The following DCC variants were observed in gnomAD, a reference collection of about 807,000 sequenced individuals.
DCC encodes the protein netrin receptor DCC.
A neutral mutation model predicts 172.5 loss-of-function variants in DCC; 58 were observed. That is an observed-to-expected ratio of 0.34 (90% CI 0.27 to 0.42). DCC has a LOEUF of 0.42. Ranked by LOEUF, DCC falls within the 10% of genes least tolerant of loss-of-function variation. The probability of loss-of-function intolerance (pLI) is 1.00; values close to 1 mark genes in which losing one functional copy is unlikely to be tolerated. For synonymous variants in DCC, 709 were observed against 644.5 expected (o/e 1.10, Z -1.52); for missense variants, 1,740 against 1,791.0 (o/e 0.97, Z 0.51).
intron 22 of DCC, among the ~76,000 whole-genome samples, chr18:53,450,136 TATATATACACACACAC>T (rs2145148537): frequency 9.3e-6 from 1 of 107,960 alleles, no homozygotes; most frequent in South Asian, 2.8e-4. Context: ...TATATATATA[TATATATACACACACAC>T]ATACACACAT....
intron 2 of DCC, among the ~76,000 whole-genome samples, chr18:52,818,454 G>T (rs2038344491): frequency 1.3e-5 from 2 of 149,516 alleles, no homozygotes; most frequent in Admixed American, 6.6e-5. Context: ...AAAAGAAGAT[G>T]AAAAGCATAT....
At chr18:52,805,260 T>G (rs1294114180) in intron 2 of DCC, among the ~76,000 whole-genome samples, 2 of 152,196 alleles carry the variant, frequency 1.3e-5, no homozygotes, top group African/African-American at 4.8e-5. Flanking sequence ...ATGGTCAGCT[T>G]ACATAACCAA....
chr18:53,513,843 G>T (rs1252677746), intron 27 of DCC, among the ~76,000 whole-genome samples: 1 of 149,940 alleles, frequency 6.7e-6, no homozygotes, highest in South Asian at 2.2e-4. Context: ...AAGCGACTTA[G>T]ACTCCCACAC....
intron 23 of DCC, 50 bp downstream of exon 23, chr18:53,450,712 T>C (rs2045400572): frequency 6.8e-7 from 1 of 1,479,580 alleles, no homozygotes; most frequent in African/African-American, 1.4e-5. Context: ...TCTTTTGGGG[T>C]TATATTTTTG....
At chr18:52,405,747 C>A (rs374532113) in intron 1 of DCC, among the ~76,000 whole-genome samples, 5 of 150,684 alleles carry the variant, frequency 3.3e-5, no homozygotes, top group African/African-American at 9.7e-5. Flanking sequence ...CCATACTGCC[C>A]AAGGTAATTT....
chr18:53,428,481 A>G (rs866071191), intron 21 of DCC, among the ~76,000 whole-genome samples: 594 of 58,482 alleles, frequency 0.01, 141 homozygotes, highest in Middle Eastern at 0.021. Flanking sequence ...TATATAATAT[A>G]TATTTTTTAT....
intron 1 of DCC, among the ~76,000 whole-genome samples, chr18:52,611,376 C>T (rs2034274249): frequency 1.3e-5 from 2 of 152,078 alleles, no homozygotes; most frequent in Admixed American, 6.6e-5. Context: ...TAGTTTTGTA[C>T]CTAATTTTTT....
chr18:52,457,794 G>A (rs1243328877), intron 1 of DCC, among the ~76,000 whole-genome samples: 1 of 152,132 alleles, frequency 6.6e-6, no homozygotes, highest in Non-Finnish European at 1.5e-5. Context: ...ATGATCATAT[G>A]CACTTATTTA....
intron 1 of DCC, among the ~76,000 whole-genome samples, chr18:52,612,231 G>T (rs1327569897): frequency 6.6e-6 from 1 of 152,064 alleles, no homozygotes; most frequent in Non-Finnish European, 1.5e-5. Context: ...GTCAGGTGAT[G>T]CCACCCTGCA....
chr18:53,414,243 A>G (rs1380943254), intron 20 of DCC, among the ~76,000 whole-genome samples: 1 of 152,182 alleles, frequency 6.6e-6, no homozygotes, highest in Non-Finnish European at 1.5e-5. Context: ...GAGTGTCAAG[A>G]TAAATAAATT....
intron 1 of DCC, among the ~76,000 whole-genome samples, chr18:52,384,687 G>A (rs193083766): frequency 1.8e-4 from 28 of 152,196 alleles, no homozygotes; most frequent in East Asian, 5.8e-4. Context: ...TTTTATGCCC[G>A]CATTTGTATG....
At chr18:53,397,055 G>A (rs542554870) in intron 17 of DCC, among the ~76,000 whole-genome samples, 3 of 150,754 alleles carry the variant, frequency 2.0e-5, no homozygotes, top group East Asian at 3.9e-4. Context: ...ATCTTACCTC[G>A]GAAAATTTTC....
chr18:52,854,449 TTAAAG>T lies in DCC; in HGVS notation c.413-51590_413-51586del, dbSNP rs2039021227. The stretch of plus-strand genomic sequence containing the variant: ...ATTCTAAATGAAGAGTAAACCTACC[TTAAAG>T]TAAACCTACCAGGAGTAAACCTACC... On this transcript the variant is annotated intron_variant, in intron 2 of 28. Transcript: ENST00000442544. Among the ~76,000 whole-genome samples, 3 of 152,320 alleles carry T rather than the reference TTAAAG, an allele frequency of 2.0e-5. No homozygotes were observed. In the South Asian group the frequency reaches 6.2e-4, roughly 32 times the overall value.
At chr18:53,256,676 G>C (rs563673272) in intron 12 of DCC, among the ~76,000 whole-genome samples, 11 of 152,256 alleles carry the variant, frequency 7.2e-5, no homozygotes, top group African/African-American at 2.6e-4. Context: ...TTTGGCTTAG[G>C]ATTGACTTGG....
intron 12 of DCC, among the ~76,000 whole-genome samples, chr18:53,272,115 T>C (rs1282416990): frequency 6.6e-6 from 1 of 152,092 alleles, no homozygotes; most frequent in Non-Finnish European, 1.5e-5. Context: ...CAGAACTGAG[T>C]AATTTGTTTC....
chr18:52,769,207 A>G (rs551567330), intron 2 of DCC, among the ~76,000 whole-genome samples: 21 of 152,336 alleles, frequency 1.4e-4, no homozygotes, highest in African/African-American at 4.6e-4. Context: ...GCAATTAATG[A>G]CAGTTTGTTG....
intron 1 of DCC, among the ~76,000 whole-genome samples, chr18:52,722,496 A>G (rs2036487707): frequency 6.6e-6 from 1 of 152,176 alleles, no homozygotes; most frequent in African/African-American, 2.4e-5. Flanking sequence ...TTATTTATGT[A>G]GTATAATTTC....
rs568494428 is a variant in DCC, at chr18:52,383,634, A to T, written c.91+42756A>T. ...GTCATTTTGAAATTTTGGAGTTTTAATTTTTTTATGATTTCATTCATGAAT... is the reference window on the plus strand; with the variant it reads ...GTCATTTTGAAATTTTGGAGTTTTATTTTTTTTATGATTTCATTCATGAAT... On this transcript the variant is annotated intron_variant, in intron 1 of 28. Transcript: ENST00000442544. Among the ~76,000 whole-genome samples the T allele has an allele frequency of 4.9e-3, 737 of 151,758 alleles. 6 individuals are homozygous for T. Among genetic ancestry groups the T allele is most frequent in the African/African-American group, 0.017 (708 of 41,454 alleles).
intron 1 of DCC, among the ~76,000 whole-genome samples, chr18:52,732,838 G>T (rs1360077554): frequency 1.3e-5 from 2 of 151,976 alleles, no homozygotes; most frequent in African/African-American, 4.8e-5. Flanking sequence ...TGGTTCATTT[G>T]TTCTTCCCTC....
Sources: allele counts gnomAD v4.1 joint callset (sites outside exome capture counted in the v4.1 genomes callset), GRCh38; gene constraint gnomAD v4.1.1; transcripts MANE v1.5; gene names NCBI Gene and HGNC (gene_info 2026-07-23, HGNC 2026-07-21).